Variants in NEURL4 observed in about 807,000 individuals in gnomAD.
NEURL4 encodes the protein neuralized E3 ubiquitin protein ligase 4, also known as neuralized-like protein 4.
A neutral mutation model predicts 148.0 loss-of-function variants in NEURL4; 45 were observed. The observed-to-expected ratio is 0.30, with a 90% CI of 0.24 to 0.39. The LOEUF (loss-of-function observed/expected upper bound fraction) is 0.39. Ranked by LOEUF, NEURL4 falls within the 10% of genes least tolerant of loss-of-function variation. The pLI is 1.00. For synonymous variants in NEURL4, 854 were observed against 869.0 expected (o/e 0.98, Z 0.30); for missense variants, 1,776 against 2,144.0 (o/e 0.83, Z 3.39).
Position 7,321,145 on chromosome 17 carries a change from C to G in NEURL4, c.3327G>C (p.Glu1109Asp). The change falls in exon 20 of 29, where the codon GAG becomes GAC. Residue 1109 changes from glutamate to aspartate, a missense_variant. By Grantham distance (45) the Glu-to-Asp change is conservative. Transcript: ENST00000399464. The surrounding 1 kb of genome is among the most constrained non-coding windows in gnomAD (Gnocchi z 6.3). ...CATGCTCCTCGCCCTCGTCATCCTC[C>G]TCGCCCTCACTGCCGGTGTCTGAAC... ...SPSSDTGSEG[E>D]EDDEGEEHGL... is the part of the protein sequence containing the mutation. 6.2e-7 allele frequency: 1 copy of G among 1,613,962 alleles called. No individual in the cohort carries two copies. The highest frequency in any genetic ancestry group is 2.2e-5 in the East Asian group (1 of 44,886).
chr17:7,320,240 C>T (rs2073012650), intron 21 of NEURL4, among the ~76,000 whole-genome samples: 1 of 151,856 alleles, frequency 6.6e-6, no homozygotes, highest in African/African-American at 2.4e-5. Flanking sequence ...TCAAGTGATC[C>T]TCCCACCTCA....
Position 7,326,278 on chromosome 17 carries a change from C to T in NEURL4, c.1270G>A (p.Glu424Lys), listed in dbSNP as rs1193561684. 6.6e-5 allele frequency: 106 copies of T among 1,613,992 alleles called. No homozygotes were observed. The Admixed American group carries it at 1.2e-3, about 18-fold the overall frequency. Residue 424 changes from glutamate (E) to lysine (K), a missense_variant, in exon 6 of 29, where the codon GAA (glutamate) becomes AAA (lysine). Coordinates refer to ENST00000399464, the MANE Select transcript of NEURL4 (RefSeq NM_032442.3). The surrounding 1 kb of genome is among the most constrained non-coding windows in gnomAD (Gnocchi z 6.0). ...NGKGTRREYC[E>K]FSLDELQEGD... is the part of the protein sequence containing the mutation. ...ACCTGCAACTCATCCAGACTGAATTCGCAGTACTCCCGGCGGGTGCCCTTG... is the reference window on the plus strand; with the variant it reads ...ACCTGCAACTCATCCAGACTGAATTTGCAGTACTCCCGGCGGGTGCCCTTG...
Position 7,322,604 on chromosome 17 carries a change from C to T in NEURL4, c.2725+131G>A. 8.2e-7 allele frequency: 1 copy of T among 1,214,888 alleles called. No individual in the cohort carries two copies. The highest frequency in any genetic ancestry group is 1.4e-5 in the South Asian group (1 of 74,056). The allele number at this position is 1,214,888 out of a possible 1,614,324, so 75.3% of individuals were successfully genotyped here. A position where few individuals can be genotyped will look rare whatever the true frequency, so the allele number is the denominator to read the frequency against. On this transcript the variant is annotated intron_variant, in intron 16 of 28. Transcript: ENST00000399464. This position sits in a 1 kb window ranked among gnomAD's most constrained non-coding sequence, Gnocchi z 5.5. ...CTCACTGGCTGCTTGCCACCGTGGGCTGTCCCTTCCCTGGAGCCGGCAGCT... is the reference window on the plus strand; with the variant it reads ...CTCACTGGCTGCTTGCCACCGTGGGTTGTCCCTTCCCTGGAGCCGGCAGCT...
intron 14 of NEURL4, 123 bp downstream of exon 14, chr17:7,323,362 A>G: frequency 1.9e-6 from 2 of 1,051,054 alleles, no homozygotes; most frequent in Non-Finnish European, 2.9e-6. Flanking sequence ...ATTCAAGGGG[A>G]GGGGACAGGT....
chr17:7,323,483 A>G lies in NEURL4; in HGVS notation c.2417+2T>C, dbSNP rs1256892897. On this transcript the variant is annotated splice_donor_variant, in intron 14 of 28. Transcript: ENST00000399464. LOFTEE classifies it high-confidence loss of function. ...GCTGGTCCCCAAAGCAGGAAGCCCA[A>G]CCTCAGCATCCATGTGTCATAGTCA... 3.1e-6 allele frequency: 5 copies of G among 1,613,936 alleles called. No individual in the cohort carries two copies. Among genetic ancestry groups the G allele is most frequent in the Non-Finnish European group, 4.2e-6 (5 of 1,179,970 alleles).
chr17:7,325,271 G>T lies in NEURL4; in HGVS notation c.1569C>A (p.Phe523Leu). 6.2e-7 allele frequency: 1 copy of T among 1,607,864 alleles called. No individual in the cohort carries two copies. The highest frequency in any genetic ancestry group is 8.5e-7 in the Non-Finnish European group (1 of 1,177,798). Residue 523 changes from phenylalanine to leucine, a missense_variant, in exon 8 of 29, where the codon TTC becomes TTA. Physicochemically the swap from Phe to Leu is conservative, Grantham distance 22. Coordinates refer to ENST00000399464, the MANE Select transcript of NEURL4 (RefSeq NM_032442.3). ...CTGCCTTCTGCCCACAGTTGGGGTG[G>T]AAGAGCAGGCGCTCAGGTTCTGCCT... ...AAQAEPERLL[F>L]HPNCGQKAAI... is the part of the protein sequence containing the mutation.
At chr17:7,320,130 T>G (rs1347126189) in intron 21 of NEURL4, among the ~76,000 whole-genome samples, 1 of 151,602 alleles carries the variant, frequency 6.6e-6, no homozygotes, top group Non-Finnish European at 1.5e-5. Context: ...GAGCCTGGCC[T>G]TTTTTTCTTT....
At position 7,318,415 on chromosome 17, in the gene NEURL4, T is replaced by C; in HGVS notation, c.3865-59A>G. 6.2e-7 allele frequency: 1 copy of C among 1,609,586 alleles called. No individual in the cohort carries two copies. On this transcript the variant is annotated intron_variant, in intron 23 of 28. Coordinates refer to ENST00000399464, the MANE Select transcript of NEURL4 (RefSeq NM_032442.3). This position sits in a 1 kb window ranked among gnomAD's most constrained non-coding sequence, Gnocchi z 4.3. ...TCAGACCCCAGGGCCTGCTGATCCC[T>C]CCCTGGAACAGAGATTTCCCCTGTC...
Position 7,322,706 on chromosome 17 carries a change from C to T in NEURL4, c.2725+29G>A, listed in dbSNP as rs1310111006. 1.2e-6 allele frequency: 2 copies of T among 1,602,948 alleles called. No homozygotes were observed. Reference sequence around the variant, plus strand: ...TCAGGTGCACAGCAGGCAAGCAGAGCCCGTCCAGCCCCCGCCCTGCTGCCG... The same window carrying T: ...TCAGGTGCACAGCAGGCAAGCAGAGTCCGTCCAGCCCCCGCCCTGCTGCCG... On this transcript the variant is annotated intron_variant, in intron 16 of 28. Transcript: ENST00000399464. This position sits in a 1 kb window ranked among gnomAD's most constrained non-coding sequence, Gnocchi z 5.5.
intron 21 of NEURL4, 85 bp from the exon 22 acceptor site, chr17:7,319,293 C>T: frequency 4.0e-6 from 5 of 1,251,680 alleles, no homozygotes; most frequent in Non-Finnish European, 5.5e-6. Flanking sequence ...AATACTGCAC[C>T]TCCCAGAATG....
chr17:7,322,215 G>C lies in NEURL4; in HGVS notation c.2726-205C>G, dbSNP rs2073043488. 6.6e-6 allele frequency among the ~76,000 whole-genome samples: 1 copy of C among 152,068 alleles called. No individual in the cohort carries two copies. The highest frequency in any genetic ancestry group is 6.6e-5 in the Admixed American group (1 of 15,266). ...CTCTGTCACTCAGGCTGGAGTGCAGGGGCACAGTCGTGGCTCACTGCAGCC... is the reference window on the plus strand; with the variant it reads ...CTCTGTCACTCAGGCTGGAGTGCAGCGGCACAGTCGTGGCTCACTGCAGCC... On this transcript the variant is annotated intron_variant, in intron 16 of 28. Coordinates refer to ENST00000399464, the MANE Select transcript of NEURL4 (RefSeq NM_032442.3). This position sits in a 1 kb window ranked among gnomAD's most constrained non-coding sequence, Gnocchi z 5.5.
rs372332542 is a variant in NEURL4 at position 7,318,466 on chromosome 17, C to A, written c.3864+29G>T. The A allele has an allele frequency of 2.9e-5, 46 of 1,601,196 alleles. No homozygotes were observed. Among genetic ancestry groups the A allele is most frequent in the Non-Finnish European group, 3.9e-5 (46 of 1,171,918 alleles). On this transcript the variant is annotated intron_variant, in intron 23 of 28. Coordinates refer to ENST00000399464, the MANE Select transcript of NEURL4 (RefSeq NM_032442.3). The surrounding 1 kb of genome is among the most constrained non-coding windows in gnomAD (Gnocchi z 4.3). The stretch of plus-strand genomic sequence containing the variant: ...CTGGACAGCGCAGACTCTCAGGCAC[C>A]CCTCCTCCCTGCCCCCACTGCCACT...
rs987383272 is a variant in NEURL4, at chr17:7,326,100, T to C, written c.1293+155A>G. Among the ~76,000 whole-genome samples, 1 of 152,164 alleles carries C rather than the reference T, an allele frequency of 6.6e-6. No homozygotes were observed. ...ACTCCAAAATCTGAGTGCTGAACTC[T>C]TGGGCAACTCAGGCTTCTAGGAAGG... On this transcript the variant is annotated intron_variant, in intron 6 of 28. Coordinates refer to ENST00000399464, the MANE Select transcript of NEURL4 (RefSeq NM_032442.3). This position sits in a 1 kb window ranked among gnomAD's most constrained non-coding sequence, Gnocchi z 6.0.
chr17:7,325,195 C>T lies in NEURL4; in HGVS notation c.1631+14G>A, dbSNP rs1004834798. The T allele has an allele frequency of 1.3e-5, 20 of 1,574,888 alleles. No individual in the cohort carries two copies. The highest frequency in any genetic ancestry group is 1.6e-5 in the Non-Finnish European group (19 of 1,162,272). ...ATCCCTTCTTCAGGCTTCTCCCCAC[C>T]CCATGGGCCATACTGGGGCCTCAGG... On this transcript the variant is annotated intron_variant, in intron 8 of 28. Coordinates refer to ENST00000399464, the MANE Select transcript of NEURL4 (RefSeq NM_032442.3).
chr17:7,327,485 T>TG lies in NEURL4; in HGVS notation c.681dup (p.Thr228HisfsTer2). 6.3e-7 allele frequency: 1 copy of TG among 1,578,654 alleles called. No homozygotes were observed. The highest frequency in any genetic ancestry group is 8.6e-7 in the Non-Finnish European group (1 of 1,160,016). ...TGTTCAGCCAAGGCAGAGTCTTCAG[T>TG]GGGGGCCAAGGGCTCGAGGGGAGGT... On this transcript the variant is annotated frameshift_variant, in exon 2 of 29. Coordinates refer to ENST00000399464, the MANE Select transcript of NEURL4 (RefSeq NM_032442.3). LOFTEE classifies it high-confidence loss of function. The surrounding 1 kb of genome is among the most constrained non-coding windows in gnomAD (Gnocchi z 6.6).
In NEURL4 at chr17:7,315,975, C is replaced by T; in HGVS notation, c.*148G>A. On this transcript the variant is annotated 3_prime_UTR_variant, in exon 29 of 29. Transcript: ENST00000399464. ...GAGCTGTGCCACTTGCCACCTACAT[C>T]TGAGAGCCTGCCTACATGCTCCTGC... 1.6e-6 allele frequency: 1 copy of T among 628,750 alleles called. No individual in the cohort carries two copies. The allele number at this position is 628,750 out of a possible 1,614,324, so 38.9% of individuals were successfully genotyped here.
rs1189686417 is a variant in NEURL4 at position 7,326,720 on chromosome 17, C to T, written c.1083G>A (p.Glu361=). 10 of 1,610,056 alleles carry T rather than the reference C, an allele frequency of 6.2e-6. No homozygotes were observed. The highest frequency in any genetic ancestry group is 8.5e-6 in the Non-Finnish European group (10 of 1,178,910). ...ACAGGACTTTGCACACCTCAAACAT[C>T]TCATTGTCCCGAAGGGGGCGATTGG... ...VMTNRPLRDN[E]MFEIRIDKLV... Residue 361 remains glutamate (E), a synonymous_variant, in exon 4 of 29, where the codon GAG becomes GAA. Coordinates refer to ENST00000399464, the MANE Select transcript of NEURL4 (RefSeq NM_032442.3). This position sits in a 1 kb window ranked among gnomAD's most constrained non-coding sequence, Gnocchi z 6.0.
intron 7 of NEURL4, 72 bp downstream of exon 7, chr17:7,325,569 G>A (rs1215563074): frequency 8.2e-6 from 13 of 1,585,280 alleles, no homozygotes; most frequent in Non-Finnish European, 1.0e-5. Flanking sequence ...GAAGCAGGAG[G>A]ATGAGGTACA....
In NEURL4 at chr17:7,317,220, A is replaced by C; in HGVS notation, c.4469T>G (p.Leu1490Arg). The change falls in exon 28 of 29, where the codon CTG (leucine) becomes CGG (arginine). Residue 1490 changes from leucine to arginine, a missense_variant. Leu to Arg is a moderately radical substitution (Grantham distance 102, BLOSUM62 -2). Transcript: ENST00000399464. ...CAGTACTCACTGCACTTTGGAGGCC[A>C]GGGTCTCCGCCCCAGCATATTGAAG... ...PSLQYAGAETLASKVQFRDPK... is the reference protein window; with the variant it reads ...PSLQYAGAETRASKVQFRDPK... The C allele has an allele frequency of 6.6e-7, 1 of 1,513,302 alleles. No homozygotes were observed. Among genetic ancestry groups the C allele is most frequent in the Non-Finnish European group, 8.8e-7 (1 of 1,133,702 alleles). The allele number at this position is 1,513,302 out of a possible 1,614,324, so 93.7% of individuals were successfully genotyped here.
Sources: gnomAD v4.1 joint callset for allele counts (sites outside exome capture counted in the v4.1 genomes callset) on GRCh38, gnomAD v4.1.1 for gene constraint, Gnocchi (gnomAD v3.1) non-coding constraint, MANE v1.5 for transcripts, NCBI Gene and HGNC (gene_info 2026-07-23, HGNC 2026-07-21) for gene names.